Variants in DENND1A observed in about 807,000 individuals in gnomAD.
The protein encoded by DENND1A is DENN domain containing 1A, also known as DENN domain-containing protein 1A.
A neutral mutation model predicts 113.7 loss-of-function variants in DENND1A; 51 were observed. That is an observed-to-expected ratio of 0.45 (90% confidence interval 0.36 to 0.57). The LOEUF is 0.57. DENND1A is among the 20% of genes least tolerant of loss of function. The pLI is 0.00. For missense variants in DENND1A, 1,258 were observed against 1,395.9 expected (o/e 0.90, Z 1.57); for synonymous variants, 565 against 570.8 (o/e 0.99, Z 0.14).
At chr9:123,771,407 T>G (rs892717577) in intron 3 of DENND1A, among the ~76,000 whole-genome samples, 1 of 152,208 alleles carries the variant, frequency 6.6e-6, no homozygotes, top group Non-Finnish European at 1.5e-5. Context: ...ACTTCAAGTT[T>G]TGAATAGTAA....
In DENND1A at chr9:123,443,262, T is replaced by A. The variant is rs1588553851; in HGVS notation, c.1357-2771A>T. ...AGGAGCTGCTCAAAAAGTGCTCAGA[T>A]GTAATCTTCTCCTCGGAAGCTCCTG... is the stretch of plus-strand genomic sequence containing the variant. On this transcript the variant is annotated intron_variant, in intron 18 of 23. Coordinates refer to ENST00000394215, the MANE Select transcript of DENND1A (RefSeq NM_001352964.2). Among the ~76,000 whole-genome samples the A allele has an allele frequency of 3.9e-5, 6 of 152,312 alleles. 1 individual carries two copies. Among genetic ancestry groups the A allele is most frequent in the Admixed American group, 3.9e-4 (6 of 15,310 alleles).
chr9:123,739,030 A>G (rs180941353), intron 5 of DENND1A, among the ~76,000 whole-genome samples: 156 of 152,342 alleles, frequency 1.0e-3, no homozygotes, highest in Admixed American at 3.1e-3. Flanking sequence ...TTTAGATAGA[A>G]TGTCACATTC....
chr9:123,486,656 A>G (rs12000017), intron 13 of DENND1A, among the ~76,000 whole-genome samples: 8,819 of 152,248 alleles, frequency 0.058, 830 homozygotes, highest in African/African-American at 0.2. Context: ...TGCTGGCATC[A>G]TCTTCCTTGT....
At chr9:123,608,300 G>A (rs2060260774) in intron 11 of DENND1A, among the ~76,000 whole-genome samples, 1 of 152,170 alleles carries the variant, frequency 6.6e-6, no homozygotes, top group African/African-American at 2.4e-5. Flanking sequence ...AAGCACAATA[G>A]CACAGTGTGC....
chr9:123,589,674 C>CT (rs1446136882), intron 11 of DENND1A, among the ~76,000 whole-genome samples: 4 of 107,758 alleles, frequency 3.7e-5, no homozygotes, highest in African/African-American at 1.6e-4. Flanking sequence ...AAAAAAAAAA[C>CT]TGACATGCAC....
At chr9:123,856,378 A>T (rs2133220211) in intron 2 of DENND1A, among the ~76,000 whole-genome samples, 1 of 152,220 alleles carries the variant, frequency 6.6e-6, no homozygotes, top group Non-Finnish European at 1.5e-5. Flanking sequence ...CAATTGTGAC[A>T]AGGGTGCCCA....
At chr9:123,763,905 G>T (rs574484106) in intron 4 of DENND1A, among the ~76,000 whole-genome samples, 1 of 152,246 alleles carries the variant, frequency 6.6e-6, no homozygotes, top group South Asian at 2.1e-4. Flanking sequence ...AAGTTGAAGT[G>T]TGTAGATAAC....
intron 2 of DENND1A, chr9:123,843,071 C>G (rs572463793): frequency 3.8e-6 from 2 of 530,690 alleles, no homozygotes; most frequent in East Asian, 1.1e-4. Flanking sequence ...TACTTTATAC[C>G]CATATTTTAT....
At chr9:123,831,876 G>A (rs1359560668) in intron 2 of DENND1A, among the ~76,000 whole-genome samples, 1 of 152,026 alleles carries the variant, frequency 6.6e-6, no homozygotes, top group Non-Finnish European at 1.5e-5. Context: ...CCAGCTACTC[G>A]GGAGGCTGAG....
chr9:123,637,951 GCGCA>G (rs879457594), intron 9 of DENND1A, among the ~76,000 whole-genome samples: 789 of 17,766 alleles, frequency 0.044, 2 homozygotes, highest in South Asian at 0.2. Context: ...ACACACACAC[GCGCA>G]CACACACACA....
rs567590757 is a variant in DENND1A at position 123,389,193 on chromosome 9, G to T, written c.1632-1335C>A. Among the ~76,000 whole-genome samples the T allele has an allele frequency of 7.0e-4, 106 of 152,372 alleles. 1 individual carries two copies. The highest frequency in any genetic ancestry group is 2.5e-3 in the African/African-American group (103 of 41,594). ...CTGTGCCTGCACTTTGCTGCAATCC[G>T]CCAGGGCTGGTGCCCATCCCAGCAC... On this transcript the variant is annotated intron_variant, in intron 21 of 23. Transcript: ENST00000394215.
chr9:123,510,342 AT>A (rs1286203023), intron 13 of DENND1A, among the ~76,000 whole-genome samples: 1 of 152,254 alleles, frequency 6.6e-6, no homozygotes, highest in East Asian at 1.9e-4. Context: ...AACTCATCTG[AT>A]AAAGGGAAAT....
intron 2 of DENND1A, among the ~76,000 whole-genome samples, chr9:123,811,109 G>C (rs530885963): frequency 2.0e-5 from 3 of 152,090 alleles, no homozygotes; most frequent in Non-Finnish European, 2.9e-5. Context: ...ACTAGACCCT[G>C]TTATGCATTC....
intron 5 of DENND1A, among the ~76,000 whole-genome samples, chr9:123,682,050 T>C (rs2140221396): frequency 6.6e-6 from 1 of 152,298 alleles, no homozygotes; most frequent in South Asian, 2.1e-4. Context: ...GCGATGGCTT[T>C]AGAACCAGGT....
intron 8 of DENND1A, among the ~76,000 whole-genome samples, chr9:123,657,082 T>C (rs565449981): frequency 8.5e-5 from 13 of 152,342 alleles, no homozygotes; most frequent in African/African-American, 3.1e-4. Flanking sequence ...GAGGAAGGTC[T>C]CTGGACAGAG....
chr9:123,790,139 T>C (rs1000063808), intron 3 of DENND1A, among the ~76,000 whole-genome samples: 5 of 152,168 alleles, frequency 3.3e-5, no homozygotes, highest in Non-Finnish European at 5.9e-5. Context: ...TTAAGGTTTG[T>C]ATGTAATAGA....
intron 7 of DENND1A, 94 bp downstream of exon 7, chr9:123,671,197 T>C: frequency 6.9e-7 from 1 of 1,453,586 alleles, no homozygotes; most frequent in South Asian, 1.1e-5. Context: ...AGGGGAGGTA[T>C]GGCTGACAAA....
chr9:123,886,726 CA>C (rs1849154497), intron 1 of DENND1A, among the ~76,000 whole-genome samples: 1 of 152,142 alleles, frequency 6.6e-6, no homozygotes, highest in Non-Finnish European at 1.5e-5. Flanking sequence ...AGGCTGAAAA[CA>C]TTGTATCAAA....
intron 13 of DENND1A, among the ~76,000 whole-genome samples, chr9:123,525,149 C>A (rs190827857): frequency 3.9e-5 from 6 of 152,322 alleles, no homozygotes; most frequent in African/African-American, 1.4e-4. Context: ...TGCAAGTGAG[C>A]AGCAGAGCCA....
Sources: gnomAD v4.1 joint callset for allele counts (sites outside exome capture counted in the v4.1 genomes callset) on GRCh38, gnomAD v4.1.1 for gene constraint, MANE v1.5 for transcripts, NCBI Gene and HGNC (gene_info 2026-07-23, HGNC 2026-07-21) for gene names.